Variants in PCNX1 observed in about 807,000 individuals in gnomAD.
PCNX1 encodes the protein pecanex 1.
PCNX1 carries 78 observed loss-of-function variants against 242.2 expected under a neutral mutation model. The observed-to-expected ratio is 0.32, with a 90% CI of 0.27 to 0.39. PCNX1 has a LOEUF of 0.39. Among genes scored for constraint, PCNX1 ranks in the 10% least tolerant of loss-of-function variants. The pLI is 1.00. For missense variants in PCNX1, 2,581 were observed against 2,856.5 expected (o/e 0.90, Z 2.20); for synonymous variants, 1,024 against 1,032.9 (o/e 0.99, Z 0.17).
intron 26 of PCNX1, among the ~76,000 whole-genome samples, chr14:71,069,108 G>A (rs2061528326): frequency 1.3e-5 from 2 of 152,218 alleles, no homozygotes; most frequent in African/African-American, 4.8e-5. Context: ...TAAGAGCCAA[G>A]CAAAAGGGGA....
chr14:70,963,334 CTT>C (rs1383032921), intron 3 of PCNX1, among the ~76,000 whole-genome samples: 1 of 152,110 alleles, frequency 6.6e-6, no homozygotes, highest in Non-Finnish European at 1.5e-5. Flanking sequence ...AGATTTTCCT[CTT>C]TTTTTCTTCT....
chr14:71,054,973 A>C (rs1333691164), intron 24 of PCNX1, among the ~76,000 whole-genome samples: 2 of 152,204 alleles, frequency 1.3e-5, no homozygotes, highest in African/African-American at 2.4e-5. Flanking sequence ...CCATTGCTTT[A>C]GTACCACCAG....
intron 1 of PCNX1, among the ~76,000 whole-genome samples, chr14:70,911,905 T>G (rs1342089425): frequency 6.6e-6 from 1 of 152,206 alleles, no homozygotes; most frequent in East Asian, 1.9e-4. Flanking sequence ...GCTCAATATA[T>G]TGTTTTCCTC....
At chr14:71,066,464 C>T (rs2061449646) in intron 26 of PCNX1, among the ~76,000 whole-genome samples, 1 of 152,128 alleles carries the variant, frequency 6.6e-6, no homozygotes, top group South Asian at 2.1e-4. Context: ...GATCTGTATC[C>T]TGAGACTTTG....
At chr14:71,102,598 T>G (rs904283450) in intron 31 of PCNX1, among the ~76,000 whole-genome samples, 1 of 152,068 alleles carries the variant, frequency 6.6e-6, no homozygotes, top group African/African-American at 2.4e-5. Context: ...AATTGAAAGT[T>G]TTTTCACAGA....
At chr14:70,979,895 G>T (rs1395316979) in intron 6 of PCNX1, among the ~76,000 whole-genome samples, 1 of 151,328 alleles carries the variant, frequency 6.6e-6, no homozygotes, top group African/African-American at 2.4e-5. Flanking sequence ...ATCTGAAGTG[G>T]TTATAACCAT....
intron 26 of PCNX1, among the ~76,000 whole-genome samples, chr14:71,069,837 G>A (rs1452807622): frequency 6.6e-6 from 1 of 152,202 alleles, no homozygotes. Flanking sequence ...GGTTGGGGCA[G>A]CTTTGGCAAG....
intron 6 of PCNX1, among the ~76,000 whole-genome samples, chr14:70,987,875 C>T (rs987014762): frequency 6.6e-6 from 1 of 152,122 alleles, no homozygotes. Context: ...GCTATGAGTT[C>T]CTGTGCTTGC....
chr14:71,050,828 G>A, intron 23 of PCNX1, 68 bp downstream of exon 23: 1 of 1,402,834 alleles, frequency 7.1e-7, no homozygotes, highest in Non-Finnish European at 9.9e-7. Context: ...TGGTTTATAG[G>A]CATGACCTTT....
intron 24 of PCNX1, among the ~76,000 whole-genome samples, chr14:71,052,454 C>T (rs2061064442): frequency 6.6e-6 from 1 of 152,044 alleles, no homozygotes; most frequent in African/African-American, 2.4e-5. Context: ...CTCAAGTGAC[C>T]CACCCGCCTC....
intron 7 of PCNX1, among the ~76,000 whole-genome samples, chr14:70,992,270 GAAGGGGAAAA>G (rs1453488630): frequency 6.6e-6 from 1 of 152,156 alleles, no homozygotes; most frequent in South Asian, 2.1e-4. Flanking sequence ...GCATTTCAGG[GAAGGGGAAAA>G]ACGCTTTAGT....
rs758586448 is a variant in PCNX1, at chr14:71,036,048, CT to C, written c.3775-9del. 220 of 1,473,362 alleles carry C rather than the reference CT, an allele frequency of 1.5e-4. No homozygotes were observed. Among genetic ancestry groups the C allele is most frequent in the African/African-American group, 1.2e-3 (82 of 71,240 alleles). 91.3% of individuals were successfully genotyped at this position (1,473,362 alleles called of 1,614,324 possible). A position where few individuals can be genotyped will look rare whatever the true frequency, so the allele number is the denominator to read the frequency against. ...AATTTTATGTAATTGTTTAATAATT[CT>C]TTTTTTTCCCCACAGAGTGAGCGAT... On this transcript the variant is annotated splice_polypyrimidine_tract_variant and intron_variant, in intron 18 of 35. Transcript: ENST00000304743.
intron 8 of PCNX1, among the ~76,000 whole-genome samples, chr14:71,000,434 T>C (rs2140392277): frequency 6.6e-6 from 1 of 152,314 alleles, no homozygotes; most frequent in Non-Finnish European, 1.5e-5. Flanking sequence ...GTTAGGATCA[T>C]GTCGTGACTT....
At chr14:71,052,867 T>G (rs530023200) in intron 24 of PCNX1, among the ~76,000 whole-genome samples, 2 of 152,294 alleles carry the variant, frequency 1.3e-5, no homozygotes, top group East Asian at 3.9e-4. Context: ...TCATTTTGTT[T>G]CAGAAAGCGT....
chr14:70,909,352 A>T (rs1306333280), intron 1 of PCNX1, among the ~76,000 whole-genome samples: 5 of 151,952 alleles, frequency 3.3e-5, no homozygotes, highest in Non-Finnish European at 5.9e-5. Context: ...CATTCTGAAA[A>T]TTTATCGTGA....
At chr14:70,927,920 C>T (rs184253829) in intron 1 of PCNX1, among the ~76,000 whole-genome samples, 10 of 151,992 alleles carry the variant, frequency 6.6e-5, no homozygotes, top group East Asian at 5.8e-4. Flanking sequence ...ATTCAGCTTG[C>T]GGTTTCTTCT....
At chr14:70,938,710 G>A (rs1311863410) in intron 1 of PCNX1, among the ~76,000 whole-genome samples, 1 of 152,182 alleles carries the variant, frequency 6.6e-6, no homozygotes, top group African/African-American at 2.4e-5. Context: ...AATGGTACCA[G>A]TTCCTCCTTA....
At chr14:71,012,835 A>G in intron 10 of PCNX1, 150 bp from the exon 11 acceptor site, 1 of 590,636 alleles carries the variant, frequency 1.7e-6, no homozygotes, top group Non-Finnish European at 2.9e-6. Flanking sequence ...AAAAAAAAAA[A>G]AAAGTGTATG....
chr14:70,994,401 A>ATATATATGTG (rs2059271612), intron 7 of PCNX1, among the ~76,000 whole-genome samples: 1 of 33,826 alleles, frequency 3.0e-5, no homozygotes, highest in Non-Finnish European at 6.2e-5. Flanking sequence ...CTTAAGATAT[A>ATATATATGTG]TATATATATA....
Sources: allele counts gnomAD v4.1 joint callset (sites outside exome capture counted in the v4.1 genomes callset), GRCh38; gene constraint gnomAD v4.1.1; transcripts MANE v1.5; gene names NCBI Gene and HGNC (gene_info 2026-07-23, HGNC 2026-07-21).